CADM2: variants seen among roughly 807,000 people sequenced by gnomAD.
CADM2 encodes the protein cell adhesion molecule 2, also known as immunoglobulin superfamily member 4D.
CADM2 carries 12 observed loss-of-function variants against 49.8 expected under a neutral mutation model. That is an observed-to-expected ratio of 0.24 (90% CI 0.15 to 0.39). The LOEUF (loss-of-function observed/expected upper bound fraction) is 0.39, where lower values mean the gene tolerates loss of function less well. Ranked by LOEUF, CADM2 falls within the 10% of genes least tolerant of loss-of-function variation. The probability of loss-of-function intolerance (pLI) is 1.00; values close to 1 mark genes in which losing one functional copy is unlikely to be tolerated. For synonymous variants in CADM2, 214 were observed against 175.4 expected, an observed-to-expected ratio of 1.22 and a Z score of -1.74; for missense variants, 378 against 492.3, an observed-to-expected ratio of 0.77 and a Z score of 2.20.
intron 1 of CADM2, among the ~76,000 whole-genome samples, chr3:85,304,726 G>A (rs1015988732): frequency 7.3e-5 from 11 of 151,686 alleles, no homozygotes; most frequent in Non-Finnish European, 1.6e-4. Flanking sequence ...TTAATTTCAT[G>A]GTGACCCCCA....
Position 85,931,630 on chromosome 3 carries a change from T to C in CADM2, c.701-4137T>C, listed in dbSNP as rs150132337. On this transcript the variant is annotated intron_variant, in intron 6 of 9. Coordinates refer to ENST00000383699, the MANE Select transcript of CADM2 (RefSeq NM_001167675.2). The stretch of plus-strand genomic sequence containing the variant: ...GATCAGATTTGAAGGTAATGAATGA[T>C]TGCCCTTAGCAAAAGCATTTGAATT... 8.4e-3 allele frequency among the ~76,000 whole-genome samples: 1,286 copies of C among 152,234 alleles called. 18 individuals are homozygous for C. The highest frequency in any genetic ancestry group is 0.027 in the African/African-American group (1,139 of 41,546).
intron 1 of CADM2, among the ~76,000 whole-genome samples, chr3:85,359,297 G>A (rs1057228231): frequency 6.6e-6 from 1 of 152,000 alleles, no homozygotes; most frequent in African/African-American, 2.4e-5. Context: ...AGCATTTTCA[G>A]TATAGCATTG....
At chr3:85,238,794 G>T (rs1048574611) in intron 1 of CADM2, among the ~76,000 whole-genome samples, 1 of 151,722 alleles carries the variant, frequency 6.6e-6, no homozygotes, top group South Asian at 2.1e-4. Context: ...AATTTACTTT[G>T]CAGAATTGTG....
intron 3 of CADM2, among the ~76,000 whole-genome samples, chr3:85,846,848 T>C (rs2074903813): frequency 6.6e-6 from 1 of 152,098 alleles, no homozygotes. Context: ...CGTGACAGAG[T>C]AAGATACCAT....
In CADM2 at chr3:85,001,108, G is replaced by A. The variant is rs1014276309; in HGVS notation, c.61+41440G>A. ...TTCAAAATTTAATTAACAAATTGAA[G>A]TGAATCAAAAAATATCTCTTCACGA... On this transcript the variant is annotated intron_variant, in intron 1 of 9. Coordinates refer to ENST00000383699, the MANE Select transcript of CADM2 (RefSeq NM_001167675.2). Among the ~76,000 whole-genome samples the A allele has an allele frequency of 3.3e-5, 5 of 152,026 alleles. No homozygotes were observed. The South Asian group carries it at 6.2e-4, about 19-fold the overall frequency.
intron 1 of CADM2, among the ~76,000 whole-genome samples, chr3:85,166,408 G>A (rs1190937061): frequency 2.0e-5 from 3 of 151,624 alleles, no homozygotes; most frequent in African/African-American, 7.2e-5. Flanking sequence ...TGAGAATCAA[G>A]ATTCTAGAAT....
intron 2 of CADM2, among the ~76,000 whole-genome samples, chr3:85,738,646 CTCTT>C (rs548368762): frequency 6.6e-6 from 1 of 152,158 alleles, no homozygotes; most frequent in African/African-American, 2.4e-5. Flanking sequence ...CACCATATCT[CTCTT>C]TCTTTTTCTG....
chr3:85,850,317 T>C (rs1333781742), intron 3 of CADM2, among the ~76,000 whole-genome samples: 1 of 43,660 alleles, frequency 2.3e-5, no homozygotes, highest in African/African-American at 3.5e-4. Context: ...TGCAATTCTT[T>C]TTTTTTTTTT....
At chr3:86,021,230 C>T (rs995748982) in intron 8 of CADM2, among the ~76,000 whole-genome samples, 1 of 152,112 alleles carries the variant, frequency 6.6e-6, no homozygotes, top group Non-Finnish European at 1.5e-5. Context: ...GAACTCCTGA[C>T]CTCAAGTGAT....
intron 1 of CADM2, among the ~76,000 whole-genome samples, chr3:85,509,058 A>AT (rs2040490157): frequency 1.3e-5 from 2 of 152,194 alleles, no homozygotes; most frequent in Non-Finnish European, 2.9e-5. Context: ...AGAAAAAGGA[A>AT]TGATGATCTC....
chr3:85,201,065 A>G (rs1036308909), intron 1 of CADM2, among the ~76,000 whole-genome samples: 4 of 152,148 alleles, frequency 2.6e-5, no homozygotes, highest in Admixed American at 6.5e-5. Flanking sequence ...GCATCCTCTT[A>G]TTCGTCTATA....
chr3:85,192,557 A>T, intron 1 of CADM2, among the ~76,000 whole-genome samples: 1 of 145,978 alleles, frequency 6.9e-6, no homozygotes, highest in African/African-American at 2.5e-5. Context: ...CTTAAAAGTG[A>T]ATATATATAT....
intron 1 of CADM2, among the ~76,000 whole-genome samples, chr3:85,339,456 T>C (rs564381997): frequency 5.3e-5 from 8 of 151,728 alleles, no homozygotes; most frequent in African/African-American, 1.7e-4. Context: ...CAATAATGGT[T>C]TCTCTTGGTC....
intron 5 of CADM2, among the ~76,000 whole-genome samples, chr3:85,893,333 A>G (rs1164179383): frequency 6.6e-6 from 1 of 152,210 alleles, no homozygotes; most frequent in Non-Finnish European, 1.5e-5. Context: ...TACACCTTAT[A>G]CAAAAATTAA....
chr3:85,609,403 T>A (rs1182934204), intron 1 of CADM2, among the ~76,000 whole-genome samples: 3 of 152,124 alleles, frequency 2.0e-5, no homozygotes, highest in Admixed American at 1.3e-4. Flanking sequence ...GAACAGTATA[T>A]GATAGATTGA....
intron 3 of CADM2, among the ~76,000 whole-genome samples, chr3:85,810,937 T>C (rs905906360): frequency 2.6e-5 from 4 of 152,218 alleles, no homozygotes; most frequent in Admixed American, 2.0e-4. Flanking sequence ...TTGTGGATTG[T>C]ATAATTACTA....
chr3:86,012,586 A>C, intron 8 of CADM2: 1 of 1,567,008 alleles, frequency 6.4e-7, no homozygotes, highest in East Asian at 2.4e-5. Context: ...GCTGCCCCCA[A>C]CTGCACGCGA....
chr3:85,058,547 C>A (rs1259995600), intron 1 of CADM2, among the ~76,000 whole-genome samples: 1 of 152,032 alleles, frequency 6.6e-6, no homozygotes, highest in Admixed American at 6.5e-5. Context: ...TGGGTTGAAG[C>A]GATTCTCCTG....
At chr3:84,973,073 C>G (rs765976599) in intron 1 of CADM2, among the ~76,000 whole-genome samples, 1 of 152,058 alleles carries the variant, frequency 6.6e-6, no homozygotes, top group African/African-American at 2.4e-5. Context: ...GCCACCACGC[C>G]GGCTAAATTT....
Sources: gnomAD v4.1 joint callset for allele counts (sites outside exome capture counted in the v4.1 genomes callset) on GRCh38, gnomAD v4.1.1 for gene constraint, MANE v1.5 for transcripts, NCBI Gene and HGNC (gene_info 2026-07-23, HGNC 2026-07-21) for gene names.